CFAP20DC: variants seen among roughly 807,000 people sequenced by gnomAD.
The protein encoded by CFAP20DC is protein CFAP20DC.
In CFAP20DC, 84 loss-of-function variants were observed where a neutral mutation model predicts 101.7. That is an observed-to-expected ratio of 0.83 (90% CI 0.69 to 0.99). CFAP20DC has a LOEUF of 0.99. Among genes scored for constraint, CFAP20DC ranks in the 50% least tolerant of loss-of-function variants. The pLI is 0.00. For missense variants in CFAP20DC, 1,007 were observed against 970.3 expected (o/e 1.04, Z -0.50); for synonymous variants, 359 against 351.2 (o/e 1.02, Z -0.25).
intron 5 of CFAP20DC, among the ~76,000 whole-genome samples, chr3:58,928,078 G>C (rs929227853): frequency 2.9e-4 from 44 of 152,116 alleles, no homozygotes; most frequent in Non-Finnish European, 5.9e-5. Flanking sequence ...CATGTCAGGA[G>C]ATACATTAAG....
intron 3 of CFAP20DC, among the ~76,000 whole-genome samples, chr3:58,733,058 G>A (rs902393863): frequency 5.3e-5 from 8 of 152,220 alleles, no homozygotes; most frequent in African/African-American, 1.4e-4. Context: ...TAGGGCAGGC[G>A]TGGTGGCTCA....
At chr3:58,904,575 G>A (rs2083431716) in intron 6 of CFAP20DC, among the ~76,000 whole-genome samples, 1 of 151,988 alleles carries the variant, frequency 6.6e-6, no homozygotes, top group South Asian at 2.1e-4. Context: ...TGAAAATAGA[G>A]GTGAGGAAAC....
intron 4 of CFAP20DC, among the ~76,000 whole-genome samples, chr3:58,998,443 T>C (rs573168693): frequency 3.9e-5 from 6 of 152,308 alleles, no homozygotes; most frequent in South Asian, 2.1e-4. Flanking sequence ...GTACTTAGCA[T>C]AGAACATGCC....
At chr3:58,932,927 C>T (rs1272700550) in intron 5 of CFAP20DC, among the ~76,000 whole-genome samples, 3 of 152,068 alleles carry the variant, frequency 2.0e-5, no homozygotes. Flanking sequence ...ATAACAATAT[C>T]AACTTTAAAT....
At chr3:58,950,062 C>A (rs2108016717) in intron 4 of CFAP20DC, among the ~76,000 whole-genome samples, 1 of 152,302 alleles carries the variant, frequency 6.6e-6, no homozygotes, top group East Asian at 1.9e-4. Context: ...TGATAGGCAA[C>A]TTCAGCAAAG....
At chr3:58,955,080 T>C (rs1458659191) in intron 4 of CFAP20DC, among the ~76,000 whole-genome samples, 1 of 152,084 alleles carries the variant, frequency 6.6e-6, no homozygotes, top group African/African-American at 2.4e-5. Flanking sequence ...TTTTAGTATA[T>C]TTAAGGACTT....
At chr3:58,930,325 T>C (rs548379237) in intron 5 of CFAP20DC, among the ~76,000 whole-genome samples, 1 of 152,282 alleles carries the variant, frequency 6.6e-6, no homozygotes, top group African/African-American at 2.4e-5. Context: ...TCCAAATCAC[T>C]GCAAATATTA....
At chr3:58,730,183 T>C (rs1015484659) in intron 3 of CFAP20DC, among the ~76,000 whole-genome samples, 1 of 152,208 alleles carries the variant, frequency 6.6e-6, no homozygotes, top group Non-Finnish European at 1.5e-5. Flanking sequence ...ATGATGTCTA[T>C]AGCTAATGTA....
Position 58,746,131 on chromosome 3 carries a change from C to A in CFAP20DC, c.2333-3559G>T, listed in dbSNP as rs117843024. On this transcript the variant is annotated intron_variant, in intron 16 of 16. Coordinates refer to ENST00000482387, the MANE Select transcript of CFAP20DC (RefSeq NM_001394063.1). ...AGTGGATTTGAAAGAAACAGAAAGACCCCCAATTAGTTTTATATAGAACAT... is the reference window on the plus strand; with the variant it reads ...AGTGGATTTGAAAGAAACAGAAAGAACCCCAATTAGTTTTATATAGAACAT... Among the ~76,000 whole-genome samples, 51 of 152,172 alleles carry A rather than the reference C, an allele frequency of 3.4e-4. 1 individual carries two copies. In the East Asian group the frequency reaches 9.7e-3, roughly 29 times the overall value.
intron 4 of CFAP20DC, among the ~76,000 whole-genome samples, chr3:58,978,961 C>T (rs1445767304): frequency 6.6e-6 from 1 of 152,158 alleles, no homozygotes; most frequent in African/African-American, 2.4e-5. Context: ...TTGCTATATT[C>T]TTCAAGCCTA....
At chr3:58,771,008 C>T (rs1401215814) in intron 15 of CFAP20DC, among the ~76,000 whole-genome samples, 1 of 151,968 alleles carries the variant, frequency 6.6e-6, no homozygotes, top group African/African-American at 2.4e-5. Context: ...ACCCAAATGT[C>T]CAACAATGAT....
At chr3:58,756,753 A>G (rs1006195288) in intron 15 of CFAP20DC, among the ~76,000 whole-genome samples, 2 of 152,116 alleles carry the variant, frequency 1.3e-5, no homozygotes, top group African/African-American at 4.8e-5. Flanking sequence ...TTCATTTTGC[A>G]AAAACTGAAC....
intron 7 of CFAP20DC, among the ~76,000 whole-genome samples, chr3:58,881,642 A>C (rs2081237098): frequency 6.6e-6 from 1 of 152,192 alleles, no homozygotes; most frequent in African/African-American, 2.4e-5. Flanking sequence ...ACCCACAGAA[A>C]ACAGCTACTT....
intron 15 of CFAP20DC, among the ~76,000 whole-genome samples, chr3:58,767,573 C>T (rs1447454103): frequency 6.6e-6 from 1 of 152,080 alleles, no homozygotes; most frequent in African/African-American, 2.4e-5. Context: ...TTAAAACTTT[C>T]TGTAGAGACA....
Position 58,906,105 on chromosome 3 carries a change from C to A in CFAP20DC, c.550+7603G>T, listed in dbSNP as rs75302652. ...TATAAAATGGTGATAATGGCAACAT[C>A]CATCTCACAGAGTTGTTATGAACAC... On this transcript the variant is annotated intron_variant, in intron 6 of 16. Transcript: ENST00000482387. 0.01 allele frequency among the ~76,000 whole-genome samples: 1,566 copies of A among 152,228 alleles called. 40 individuals carry two copies. The East Asian group carries it at 0.11, about 10-fold the overall frequency.
intron 12 of CFAP20DC, chr3:58,862,979 A>G: frequency 6.2e-6 from 6 of 973,512 alleles, no homozygotes; most frequent in Non-Finnish European, 7.3e-6. Context: ...AATTTATAGG[A>G]TATATCCATA....
chr3:58,888,294 T>C (rs907453072), intron 6 of CFAP20DC, among the ~76,000 whole-genome samples: 5 of 152,244 alleles, frequency 3.3e-5, no homozygotes, highest in African/African-American at 1.2e-4. Flanking sequence ...GCCAGGCGTA[T>C]GTCTAATGGC....
Position 58,868,070 on chromosome 3 carries a change from A to C in CFAP20DC, c.1016-134T>G. 9.6e-7 allele frequency: 1 copy of C among 1,046,504 alleles called. No individual in the cohort carries two copies. The highest frequency in any genetic ancestry group is 1.9e-5 in the South Asian group (1 of 51,768). The allele number at this position is 1,046,504 out of a possible 1,614,324, so 64.8% of individuals were successfully genotyped here. A position where few individuals can be genotyped will look rare whatever the true frequency, so the allele number is the denominator to read the frequency against. The stretch of plus-strand genomic sequence containing the variant: ...TGACATAATGTGAAGATACATCAAA[A>C]ATACAACTTCATAGAAAATAGGCAT... On this transcript the variant is annotated intron_variant, in intron 9 of 16. Transcript: ENST00000482387. The surrounding 1 kb of genome is among the most constrained non-coding windows in gnomAD (Gnocchi z 4.6).
chr3:58,824,168 C>G (rs577792009), intron 14 of CFAP20DC, among the ~76,000 whole-genome samples: 2 of 152,210 alleles, frequency 1.3e-5, no homozygotes, highest in African/African-American at 2.4e-5. Flanking sequence ...CAACTGCATA[C>G]CTTTTTAGTT....
Sources: allele counts gnomAD v4.1 joint callset (sites outside exome capture counted in the v4.1 genomes callset), GRCh38; gene constraint gnomAD v4.1.1; non-coding constraint Gnocchi (gnomAD v3.1); transcripts MANE v1.5; gene names NCBI Gene and HGNC (gene_info 2026-07-23, HGNC 2026-07-21).